The following TFEC variants were observed in gnomAD, a reference collection of about 807,000 sequenced individuals.
TFEC encodes the protein class E basic helix-loop-helix protein 34.
Under a neutral mutation model 41.6 loss-of-function variants are expected in TFEC, and 31 were observed. That is an observed-to-expected ratio of 0.74 (90% CI 0.56 to 1.01). The LOEUF (loss-of-function observed/expected upper bound fraction) is 1.01, where lower values mean the gene tolerates loss of function less well. Ranked by LOEUF, TFEC falls within the 50% of genes least tolerant of loss-of-function variation. TFEC has a pLI of 0.00. For synonymous variants in TFEC, 143 were observed against 140.6 expected, an observed-to-expected ratio of 1.02 and a Z score of -0.12; for missense variants, 402 against 404.1, an observed-to-expected ratio of 0.99 and a Z score of 0.04.
At chr7:116,121,255 T>C (rs1798102346) in intron 1 of TFEC, among the ~76,000 whole-genome samples, 1 of 152,004 alleles carries the variant, frequency 6.6e-6, no homozygotes, top group Non-Finnish European at 1.5e-5. Flanking sequence ...ACAACATAAA[T>C]GAACCTTGAA....
intron 1 of TFEC, among the ~76,000 whole-genome samples, chr7:116,122,803 G>T (rs781485431): frequency 6.6e-6 from 1 of 152,046 alleles, no homozygotes; most frequent in Non-Finnish European, 1.5e-5. Context: ...AGCTGCCTAT[G>T]CCCCTTCCCC....
intron 3 of TFEC, among the ~76,000 whole-genome samples, chr7:116,048,229 T>G (rs905780273): frequency 7.2e-5 from 11 of 152,118 alleles, no homozygotes; most frequent in Admixed American, 1.3e-4. Flanking sequence ...GCTAAAAACC[T>G]TGAAAAAAGA....
At chr7:115,998,603 G>A (rs1190677268) in intron 1 of TFEC, among the ~76,000 whole-genome samples, 1 of 151,160 alleles carries the variant, frequency 6.6e-6, no homozygotes, top group African/African-American at 2.4e-5. Flanking sequence ...TAGCTATAAA[G>A]ATACACATAG....
chr7:116,018,719 T>C (rs1483002178), intron 1 of TFEC, among the ~76,000 whole-genome samples: 2 of 152,066 alleles, frequency 1.3e-5, no homozygotes, highest in South Asian at 2.1e-4. Flanking sequence ...TGGGGAGAAA[T>C]GATGAAGTAT....
intron 6 of TFEC, 55 bp downstream of exon 6, chr7:115,950,819 C>A: frequency 1.5e-6 from 2 of 1,370,178 alleles, no homozygotes; most frequent in South Asian, 1.3e-5. Flanking sequence ...CCCTCCCATT[C>A]ATTTTGGGGG....
At position 115,950,886 on chromosome 7, in the gene TFEC, T is replaced by G; in HGVS notation, c.503A>C (p.Lys168Thr). 1 of 1,604,320 alleles carries G rather than the reference T, an allele frequency of 6.2e-7. No individual in the cohort carries two copies. The highest frequency in any genetic ancestry group is 8.5e-7 in the Non-Finnish European group (1 of 1,174,896). The change falls in exon 6 of 8, where the codon AAG becomes ACG. Residue 168 changes from lysine to threonine, a missense_variant. Physicochemically the swap from Lys to Thr is moderately conservative, Grantham distance 78 (BLOSUM62 -1). Coordinates refer to ENST00000265440, the MANE Select transcript of TFEC (RefSeq NM_012252.4). ...RIKELGTLIP[K>T]SNDPDMRWNK... ...TTGTTGAACTCACGGATCATTAGAC[T>G]TTGGAATAAGAGTGCCAAGCTCCTT...
At chr7:115,989,745 A>G (rs2130709201) in intron 1 of TFEC, among the ~76,000 whole-genome samples, 1 of 152,258 alleles carries the variant, frequency 6.6e-6, no homozygotes, top group East Asian at 1.9e-4. Context: ...AACTTGATGG[A>G]GTGCACCACA....
intron 1 of TFEC, among the ~76,000 whole-genome samples, chr7:116,008,753 G>A (rs1794895881): frequency 6.6e-6 from 1 of 152,058 alleles, no homozygotes; most frequent in African/African-American, 2.4e-5. Context: ...TTATACAGTC[G>A]AGCTTGTCTG....
At chr7:116,072,175 T>C (rs1334889544) in intron 3 of TFEC, among the ~76,000 whole-genome samples, 1 of 151,582 alleles carries the variant, frequency 6.6e-6, no homozygotes, top group Non-Finnish European at 1.5e-5. Context: ...ATCTCTTTTT[T>C]TAGTTCTAAT....
At chr7:116,098,807 T>C (rs1277171024) in intron 3 of TFEC, among the ~76,000 whole-genome samples, 1 of 143,064 alleles carries the variant, frequency 7.0e-6, no homozygotes, top group Non-Finnish European at 1.5e-5. Flanking sequence ...ATCACCTTGA[T>C]ACCAAAACCA....
chr7:116,110,945 A>G (rs1036541058), intron 2 of TFEC: 110 of 1,409,500 alleles, frequency 7.8e-5, no homozygotes, highest in Non-Finnish European at 9.7e-5. Flanking sequence ...GGATTTGGAA[A>G]AAAAGGAGCA....
intron 1 of TFEC, among the ~76,000 whole-genome samples, chr7:116,129,317 A>C (rs910202764): frequency 1.3e-5 from 2 of 149,742 alleles, no homozygotes; most frequent in Non-Finnish European, 3.0e-5. Context: ...TTGTTTTTTC[A>C]ATCTCACCCT....
chr7:116,021,895 C>T (rs1795409658), intron 1 of TFEC, among the ~76,000 whole-genome samples: 1 of 152,166 alleles, frequency 6.6e-6, no homozygotes, highest in South Asian at 2.1e-4. Flanking sequence ...TTTATTAAGT[C>T]ATATTGTTTA....
intron 1 of TFEC, among the ~76,000 whole-genome samples, chr7:116,152,405 C>T (rs919179873): frequency 6.6e-5 from 10 of 152,118 alleles, no homozygotes; most frequent in African/African-American, 2.4e-4. Flanking sequence ...ATTTGCAGGG[C>T]AGAGTTTACC....
In TFEC at chr7:116,012,887, AC is replaced by A. The variant is rs373445195; in HGVS notation, c.-73+17745del. ...GTCTTATACTATCTTAGGCTGGAAA[AC>A]TTTTTATATCCTTATTTTATGGGTT... On this transcript the variant is annotated intron_variant, in intron 1 of 7. Transcript: ENST00000265440. Among the ~76,000 whole-genome samples the A allele has an allele frequency of 4.6e-4, 69 of 151,538 alleles. 1 individual carries two copies. In the East Asian group the frequency reaches 9.1e-3, roughly 20 times the overall value.
At chr7:116,129,959 C>T (rs1055207305) in intron 1 of TFEC, among the ~76,000 whole-genome samples, 2 of 151,646 alleles carry the variant, frequency 1.3e-5, no homozygotes, top group Non-Finnish European at 2.9e-5. Flanking sequence ...GGCTCTCCTT[C>T]CCCTCATGCT....
chr7:116,011,855 C>T (rs1437968047), intron 1 of TFEC, among the ~76,000 whole-genome samples: 9 of 152,102 alleles, frequency 5.9e-5, no homozygotes, highest in Admixed American at 5.9e-4. Context: ...AATTCCTCCT[C>T]TCTCTCTTTC....
In TFEC at chr7:116,105,347, C is replaced by T. The variant is rs1584521920; in HGVS notation, c.198+5361G>A. Among the ~76,000 whole-genome samples, 5 of 152,268 alleles carry T rather than the reference C, an allele frequency of 3.3e-5. No individual in the cohort carries two copies. The South Asian group carries it at 1.0e-3, about 32-fold the overall frequency. ...TTTAATAAAAGTAAATGTTAATAAC[C>T]TACAAATATTTTTCTCCAGTTAATA... On this transcript the variant is annotated intron_variant, in intron 3 of 8. Coordinates refer to the TFEC transcript ENST00000484212.
intron 3 of TFEC, among the ~76,000 whole-genome samples, chr7:116,088,700 C>T (rs1182058484): frequency 6.6e-6 from 1 of 152,010 alleles, no homozygotes; most frequent in Admixed American, 6.6e-5. Flanking sequence ...GGTTTTTTAA[C>T]ATAAATGAGA....
Sources: allele counts gnomAD v4.1 joint callset (sites outside exome capture counted in the v4.1 genomes callset), GRCh38; gene constraint gnomAD v4.1.1; transcripts MANE v1.5; gene names NCBI Gene and HGNC (gene_info 2026-07-23, HGNC 2026-07-21).